CDKL2: variants seen among roughly 807,000 people sequenced by gnomAD.
CDKL2 encodes cyclin-dependent kinase-like 2.
CDKL2 carries 64 observed loss-of-function variants against 63.9 expected under a neutral mutation model. The observed-to-expected ratio is 1.00, with a 90% confidence interval of 0.82 to 1.23. The LOEUF (loss-of-function observed/expected upper bound fraction) is 1.23, where lower values mean the gene tolerates loss of function less well. Among genes scored for constraint, CDKL2 ranks in the 50% most tolerant of loss-of-function variants. CDKL2 has a pLI of 0.00. For missense variants in CDKL2, 656 were observed against 668.0 expected (o/e 0.98, Z 0.20); for synonymous variants, 211 against 229.2 (o/e 0.92, Z 0.72).
At chr4:75,624,132 A>C (rs1421227932) in intron 2 of CDKL2, among the ~76,000 whole-genome samples, 1 of 4,140 alleles carries the variant, frequency 2.4e-4, no homozygotes, top group Non-Finnish European at 5.7e-4. Context: ...ACTCCATCTC[A>C]AAAAAAAAAA....
rs548640501 is a variant in CDKL2, at chr4:75,626,551, C to T, written c.-29-534G>A. Among the ~76,000 whole-genome samples, 10 of 152,148 alleles carry T rather than the reference C, an allele frequency of 6.6e-5. No homozygotes were observed. The East Asian group carries it at 1.4e-3, about 21-fold the overall frequency. On this transcript the variant is annotated intron_variant, in intron 1 of 13. Transcript: ENST00000307465. ...ACTTGGTGGCAGGCGCCTGTAGTCC[C>T]AGCTACTCGGGAGGCTGAGGCAGGA...
At chr4:75,619,577 T>TTAA (rs1420424404) in intron 2 of CDKL2, among the ~76,000 whole-genome samples, 2 of 78,148 alleles carry the variant, frequency 2.6e-5, no homozygotes, top group Non-Finnish European at 4.9e-5. Flanking sequence ...CACAGCTGTA[T>TTAA]AAAAAAAAAA....
At chr4:75,623,278 CA>C (rs996270194) in intron 2 of CDKL2, among the ~76,000 whole-genome samples, 1 of 150,910 alleles carries the variant, frequency 6.6e-6, no homozygotes, top group South Asian at 2.1e-4. Flanking sequence ...AACCCTGTCT[CA>C]AAAAAAAACC....
chr4:75,577,994 G>T lies in CDKL2; in HGVS notation c.*1208C>A, dbSNP rs1308626747. The T allele has an allele frequency of 2.1e-5, 1 of 46,794 alleles. No individual in the cohort carries two copies. The highest frequency in any genetic ancestry group is 1.4e-3 in the East Asian group (1 of 696). 2.9% of individuals were successfully genotyped at this position (46,794 alleles called of 1,614,324 possible). A position where few individuals can be genotyped will look rare whatever the true frequency, so the allele number is the denominator to read the frequency against. ...AGCAACACACTATTAATTAGTTAAG[G>T]CAAAAAAAAAAAAAAAACTCACAAA... On this transcript the variant is annotated 3_prime_UTR_variant, in exon 14 of 14. Coordinates refer to ENST00000307465, the MANE Select transcript of CDKL2 (RefSeq NM_001330724.2).
rs1299381407 is a variant in CDKL2, at chr4:75,596,764, T to C, written c.1322+171A>G. Among the ~76,000 whole-genome samples, 4 of 152,250 alleles carry C rather than the reference T, an allele frequency of 2.6e-5. No individual in the cohort carries two copies. The East Asian group carries it at 7.7e-4, about 29-fold the overall frequency. On this transcript the variant is annotated intron_variant, in intron 9 of 13. Transcript: ENST00000307465. Reference sequence around the variant, plus strand: ...ACTTTGGTGAATTGTTTTGATCAAATGCTAATAATCTTCATCACACAGCCA... The same window carrying C: ...ACTTTGGTGAATTGTTTTGATCAAACGCTAATAATCTTCATCACACAGCCA...
Position 75,596,709 on chromosome 4 carries a change from C to G in CDKL2, c.1322+226G>C, listed in dbSNP as rs538470562. ...ACTATATAGCTGTAGATTCTCTTCA[C>G]CTTAAGCAATAAAACCCTACTTTCT... On this transcript the variant is annotated intron_variant, in intron 9 of 13. Transcript: ENST00000307465. 2.0e-5 allele frequency among the ~76,000 whole-genome samples: 3 copies of G among 152,288 alleles called. No individual in the cohort carries two copies. The East Asian group carries it at 5.8e-4, about 29-fold the overall frequency.
intron 12 of CDKL2, among the ~76,000 whole-genome samples, chr4:75,584,974 T>C (rs1342530819): frequency 6.6e-6 from 1 of 152,106 alleles, no homozygotes; most frequent in African/African-American, 2.4e-5. Flanking sequence ...CGAATACACA[T>C]TCCAATTAAA....
At chr4:75,596,207 C>T (rs767326454) in intron 10 of CDKL2, 40 bp downstream of exon 10, 44 of 1,118,954 alleles carry the variant, frequency 3.9e-5, no homozygotes, top group Non-Finnish European at 5.3e-5. Context: ...CTAGAGCTGA[C>T]TGGTGTTTGC....
rs555611017 is a variant in CDKL2 at position 75,604,190 on chromosome 4, C to G, written c.656-234G>C. ...TTTTATAACTTTCCAGATATAAGTA[C>G]CAGCACTTCGTTTCTAACTAGAAAG... is the stretch of plus-strand genomic sequence containing the variant. On this transcript the variant is annotated intron_variant, in intron 5 of 13. Transcript: ENST00000307465. Among the ~76,000 whole-genome samples, 8 of 152,266 alleles carry G rather than the reference C, an allele frequency of 5.3e-5. No individual in the cohort carries two copies. In the South Asian group the frequency reaches 1.7e-3, roughly 32 times the overall value.
intron 4 of CDKL2, among the ~76,000 whole-genome samples, chr4:75,606,476 G>A (rs890540830): frequency 1.3e-5 from 2 of 152,204 alleles, no homozygotes. Context: ...GCCTCCCAAA[G>A]TGCTGGGATT....
chr4:75,584,208 G>C (rs182570537), intron 12 of CDKL2, among the ~76,000 whole-genome samples: 1 of 152,216 alleles, frequency 6.6e-6, no homozygotes, highest in African/African-American at 2.4e-5. Flanking sequence ...GTAAGTCAGA[G>C]ATGTGGCAGA....
chr4:75,598,067 G>A lies in CDKL2; in HGVS notation c.1020+10C>T. 1 of 1,453,642 alleles carries A rather than the reference G, an allele frequency of 6.9e-7. No individual in the cohort carries two copies. The highest frequency in any genetic ancestry group is 9.3e-7 in the Non-Finnish European group (1 of 1,079,374). The allele number at this position is 1,453,642 out of a possible 1,614,324, so 90.0% of individuals were successfully genotyped here. On this transcript the variant is annotated intron_variant, in intron 8 of 13. Coordinates refer to ENST00000307465, the MANE Select transcript of CDKL2 (RefSeq NM_001330724.2). ...ATATTAAATCTAAAATGTGAAACAT[G>A]AACATTTACCTGTACCACAAGTGTT...
At chr4:75,597,375 G>A in intron 8 of CDKL2, 139 bp from the exon 9 acceptor site, 2 of 621,998 alleles carry the variant, frequency 3.2e-6, no homozygotes. Context: ...ATTCTTCCTA[G>A]GGGATTAAAA....
At chr4:75,613,767 A>C (rs573146249) in intron 3 of CDKL2, among the ~76,000 whole-genome samples, 2 of 152,276 alleles carry the variant, frequency 1.3e-5, no homozygotes, top group Non-Finnish European at 2.9e-5. Context: ...AAAAGAACAG[A>C]AAATAGAGCC....
At chr4:75,618,127 C>T (rs925877408) in intron 2 of CDKL2, among the ~76,000 whole-genome samples, 2 of 143,840 alleles carry the variant, frequency 1.4e-5, no homozygotes, top group Non-Finnish European at 1.5e-5. Context: ...AAAGCACAGA[C>T]TATCAGCTCC....
chr4:75,617,281 A>T (rs185150377), intron 2 of CDKL2, among the ~76,000 whole-genome samples: 1 of 152,350 alleles, frequency 6.6e-6, no homozygotes, highest in South Asian at 2.1e-4. Flanking sequence ...GCCAAGAAAA[A>T]AATAAAAGTT....
chr4:75,629,976 A>C (rs1311665421), intron 1 of CDKL2, 66 bp downstream of exon 1: 1 of 134,122 alleles, frequency 7.5e-6, no homozygotes, highest in Non-Finnish European at 1.6e-5. Context: ...AAAAAAAAAA[A>C]AAGATTGAAA....
rs1728728187 is a variant in CDKL2, at chr4:75,591,853, A to G, written c.1613T>C (p.Ile538Thr). 19 of 1,535,994 alleles carry G rather than the reference A, an allele frequency of 1.2e-5. No homozygotes were observed. Among genetic ancestry groups the G allele is most frequent in the East Asian group, 1.2e-4 (5 of 40,898 alleles). ...SESRIPSLAAIDLHTPSITLH... is the reference protein window; with the variant it reads ...SESRIPSLAATDLHTPSITLH... ...TGTAATACTGGGGGTGTGCAGGTCA[A>G]TAGCAGCCAGAGAAGGAATTCGAGA... The change falls in exon 12 of 14, where the codon ATT becomes ACT. Residue 538 changes from isoleucine (I) to threonine (T), a missense_variant. By Grantham distance (89) the Ile-to-Thr change is moderately conservative. Coordinates refer to ENST00000307465, the MANE Select transcript of CDKL2 (RefSeq NM_001330724.2).
chr4:75,580,010 G>A (rs750783066), intron 13 of CDKL2, among the ~76,000 whole-genome samples: 29 of 152,294 alleles, frequency 1.9e-4, no homozygotes, highest in Non-Finnish European at 3.5e-4. Flanking sequence ...GGTGACTCAT[G>A]ACTGTAATCC....
Sources: allele counts gnomAD v4.1 joint callset (sites outside exome capture counted in the v4.1 genomes callset), GRCh38; gene constraint gnomAD v4.1.1; transcripts MANE v1.5; gene names NCBI Gene and HGNC (gene_info 2026-07-23, HGNC 2026-07-21).